Variants in RAI1 observed in about 807,000 individuals in gnomAD.
RAI1 encodes retinoic acid induced 1.
Under a neutral mutation model 123.8 loss-of-function variants are expected in RAI1, and 9 were observed. That is an observed-to-expected ratio of 0.07 (90% CI 0.04 to 0.13). RAI1 has a LOEUF of 0.13. Among genes scored for constraint, RAI1 ranks in the 10% least tolerant of loss-of-function variants. RAI1 has a pLI of 1.00. For missense variants in RAI1, 2,256 were observed against 2,545.8 expected, an observed-to-expected ratio of 0.89 and a Z score of 2.45; for synonymous variants, 1,231 against 1,127.3, an observed-to-expected ratio of 1.09 and a Z score of -1.84.
chr17:17,756,892 G>A (rs541744854), intron 2 of RAI1, among the ~76,000 whole-genome samples: 3 of 152,228 alleles, frequency 2.0e-5, no homozygotes, highest in Admixed American at 6.5e-5. Flanking sequence ...GTGCTTGCCC[G>A]GTGGGAACGG....
intron 1 of RAI1, among the ~76,000 whole-genome samples, chr17:17,703,950 C>G (rs982101647): frequency 1.3e-5 from 2 of 152,240 alleles, no homozygotes; most frequent in Non-Finnish European, 2.9e-5. Flanking sequence ...TTCCCTCACT[C>G]CAGGCTTCTC....
At position 17,689,956 on chromosome 17, in the gene RAI1, A is replaced by G. The variant is rs143424466; in HGVS notation, c.-149+8163A>G. Among the ~76,000 whole-genome samples, 1,001 of 152,298 alleles carry G rather than the reference A, an allele frequency of 6.6e-3. 14 individuals are homozygous for G. The highest frequency in any genetic ancestry group is 0.022 in the African/African-American group (933 of 41,554). On this transcript the variant is annotated intron_variant, in intron 1 of 5. Coordinates refer to ENST00000353383, the MANE Select transcript of RAI1 (RefSeq NM_030665.4). ...CCAAAGCCCCCCAACTCCTTGAATC[A>G]GACCCTTCTATAGTGATCTAAAGCT...
At chr17:17,707,932 G>GA (rs989326187) in intron 1 of RAI1, among the ~76,000 whole-genome samples, 54 of 152,192 alleles carry the variant, frequency 3.5e-4, no homozygotes, top group African/African-American at 1.3e-3. Context: ...GAGACTGCAA[G>GA]AGGCAGGCTC....
intron 1 of RAI1, among the ~76,000 whole-genome samples, chr17:17,705,751 C>T (rs1915373374): frequency 2.0e-5 from 3 of 151,352 alleles, no homozygotes. Flanking sequence ...AAAGGCTGGG[C>T]ACGGTGGCTC....
In RAI1 at chr17:17,794,088, G is replaced by C. The variant is rs1567916873; in HGVS notation, c.1140G>C (p.Gly380=). ...ACAGCCAGCAGCCGCTCAGCACCGG[G>C]GCCTTCCCCGCAGGGATCACTGACC... ...FPYSQQPLST[G]AFPAGITDHS... The change falls in exon 3 of 6, where the codon GGG becomes GGC. Residue 380 remains glycine (G), a synonymous_variant. Coordinates refer to ENST00000353383, the MANE Select transcript of RAI1 (RefSeq NM_030665.4). 6.2e-7 allele frequency: 1 copy of C among 1,614,032 alleles called. No individual in the cohort carries two copies. The highest frequency in any genetic ancestry group is 1.1e-5 in the South Asian group (1 of 91,082).
At chr17:17,762,508 C>T (rs2030746377) in intron 2 of RAI1, among the ~76,000 whole-genome samples, 1 of 152,122 alleles carries the variant, frequency 6.6e-6, no homozygotes, top group South Asian at 2.1e-4. Flanking sequence ...AGGGAGCTTC[C>T]CCACCAAAGC....
intron 2 of RAI1, among the ~76,000 whole-genome samples, chr17:17,728,701 C>T (rs62064088): frequency 0.1 from 15,414 of 152,220 alleles, 957 homozygotes; most frequent in East Asian, 0.31. Flanking sequence ...ACTCATATGC[C>T]AGGCACTGAG....
intron 4 of RAI1, among the ~76,000 whole-genome samples, chr17:17,805,012 A>G (rs1186689427): frequency 6.6e-6 from 1 of 152,002 alleles, no homozygotes; most frequent in Non-Finnish European, 1.5e-5. Flanking sequence ...ACAGGCGTGC[A>G]CCACCACGCT....
rs1339494570 is a variant in RAI1 at position 17,794,238 on chromosome 17, C to T, written c.1290C>T (p.Leu430=). The T allele has an allele frequency of 1.2e-6, 2 of 1,613,400 alleles. No homozygotes were observed. Among genetic ancestry groups the T allele is most frequent in the Non-Finnish European group, 1.7e-6 (2 of 1,180,042 alleles). The change falls in exon 3 of 6, where the codon CTC becomes CTT. Residue 430 remains leucine, a synonymous_variant. Coordinates refer to ENST00000353383, the MANE Select transcript of RAI1 (RefSeq NM_030665.4). The part of the protein sequence containing the change: ...DKLPENLLSD[L]SLQSLTALTS... ...TCCCTGAGAACCTGCTGTCGGATCT[C>T]AGCCTGCAGAGCCTCACGGCGCTGA...
At chr17:17,789,258 G>A (rs2031931874) in intron 2 of RAI1, among the ~76,000 whole-genome samples, 1 of 152,220 alleles carries the variant, frequency 6.6e-6, no homozygotes, top group Non-Finnish European at 1.5e-5. Flanking sequence ...TCTGCTCTGG[G>A]GTCCTAAGCA....
intron 1 of RAI1, among the ~76,000 whole-genome samples, chr17:17,721,768 G>C (rs914197508): frequency 6.6e-6 from 1 of 152,218 alleles, no homozygotes; most frequent in Non-Finnish European, 1.5e-5. Context: ...CCCCAAGACA[G>C]ATATTGAAGA....
At position 17,783,488 on chromosome 17, in the gene RAI1, A is replaced by G. The variant is rs531182490; in HGVS notation, c.-16-9445A>G. 5.3e-5 allele frequency among the ~76,000 whole-genome samples: 8 copies of G among 152,160 alleles called. No homozygotes were observed. In the South Asian group the frequency reaches 1.2e-3, roughly 24 times the overall value. Reference sequence around the variant, plus strand: ...GGGAGTCCTGCGGATTTTCTCCGGCAGCAGCAGGCGCTCTGCCTTTGTCTT... The same window carrying G: ...GGGAGTCCTGCGGATTTTCTCCGGCGGCAGCAGGCGCTCTGCCTTTGTCTT... On this transcript the variant is annotated intron_variant, in intron 2 of 5. Coordinates refer to ENST00000353383, the MANE Select transcript of RAI1 (RefSeq NM_030665.4).
rs188069473 is a variant in RAI1 at position 17,762,321 on chromosome 17, G to A, written c.-16-30612G>A. On this transcript the variant is annotated intron_variant, in intron 2 of 5. Transcript: ENST00000353383. ...GTCCCAGGCGGAGGGAACAGCATGT[G>A]CAAAGGCCTGGGGGTCAGGGGCATG... Among the ~76,000 whole-genome samples, 178 of 152,270 alleles carry A rather than the reference G, an allele frequency of 1.2e-3. 1 individual carries two copies. Among genetic ancestry groups the A allele is most frequent in the South Asian group, 7.0e-3 (34 of 4,826 alleles).
chr17:17,707,492 C>T (rs2142898889), intron 1 of RAI1, among the ~76,000 whole-genome samples: 1 of 152,204 alleles, frequency 6.6e-6, no homozygotes, highest in Non-Finnish European at 1.5e-5. Flanking sequence ...GAGGGAATAG[C>T]AGTGCAAAGG....
At chr17:17,688,893 C>A (rs1914742393) in intron 1 of RAI1, among the ~76,000 whole-genome samples, 2 of 151,722 alleles carry the variant, frequency 1.3e-5, no homozygotes, top group Admixed American at 1.3e-4. Context: ...TCACTGCGCC[C>A]AGCCTTGGGC....
At chr17:17,734,080 CA>C (rs1916349788) in intron 2 of RAI1, among the ~76,000 whole-genome samples, 1 of 152,100 alleles carries the variant, frequency 6.6e-6, no homozygotes, top group Non-Finnish European at 1.5e-5. Context: ...GCATCCAGGA[CA>C]GGGGGAGAGA....
intron 2 of RAI1, among the ~76,000 whole-genome samples, chr17:17,771,919 C>G (rs984807826): frequency 2.0e-5 from 3 of 152,236 alleles, no homozygotes; most frequent in African/African-American, 7.2e-5. Flanking sequence ...CACCACCCCC[C>G]ACCTGCAGTG....
chr17:17,744,945 T>A lies in RAI1; in HGVS notation c.-17+20786T>A, dbSNP rs114585809. Among the ~76,000 whole-genome samples the A allele has an allele frequency of 1.2e-4, 18 of 152,320 alleles. No homozygotes were observed. In the East Asian group the frequency reaches 3.5e-3, roughly 29 times the overall value. ...TTTACATACACAATTAAATCTTTAC[T>A]GTGTACCTACTGTGTGCTGAACCCC... On this transcript the variant is annotated intron_variant, in intron 2 of 5. Transcript: ENST00000353383.
In RAI1 at chr17:17,793,012, C is replaced by A. The variant is rs1031886321; in HGVS notation, c.64C>A (p.Gln22Lys). Residue 22 changes from glutamine to lysine, a missense_variant, in exon 3 of 6, where the codon CAG becomes AAG. Gln to Lys is a moderately conservative substitution (Grantham distance 53, BLOSUM62 1). Transcript: ENST00000353383. ...GKQQNYQQTSQETSRLENYRQ... is the reference protein window; with the variant it reads ...GKQQNYQQTSKETSRLENYRQ... ...ACAACAGAACTACCAGCAGACCTCG[C>A]AGGAAACATCACGCCTAGAGAATTA... The A allele has an allele frequency of 5.0e-6, 8 of 1,614,152 alleles. No individual in the cohort carries two copies. Among genetic ancestry groups the A allele is most frequent in the Non-Finnish European group, 6.8e-6 (8 of 1,180,010 alleles).
Sources: gnomAD v4.1 joint callset for allele counts (sites outside exome capture counted in the v4.1 genomes callset) on GRCh38, gnomAD v4.1.1 for gene constraint, MANE v1.5 for transcripts, NCBI Gene and HGNC (gene_info 2026-07-23, HGNC 2026-07-21) for gene names.